Variants in PGM5 observed in about 807,000 individuals in gnomAD.
The protein encoded by PGM5 is phosphoglucomutase-like protein 5.
A neutral mutation model predicts 59.2 loss-of-function variants in PGM5; 23 were observed. The ratio of observed to expected loss-of-function variants is 0.39; its 90% CI spans 0.28 to 0.55. The LOEUF (loss-of-function observed/expected upper bound fraction) is 0.55. Ranked by LOEUF, PGM5 falls within the 20% of genes least tolerant of loss-of-function variation. The probability of loss-of-function intolerance (pLI) is 0.66; values close to 1 mark genes in which losing one functional copy is unlikely to be tolerated. For missense variants in PGM5, 574 were observed against 748.3 expected (o/e 0.77, Z 2.72); for synonymous variants, 214 against 286.0 (o/e 0.75, Z 2.54).
intron 1 of PGM5, among the ~76,000 whole-genome samples, chr9:68,372,159 C>A (rs1301052459): frequency 2.0e-5 from 3 of 152,124 alleles, no homozygotes; most frequent in East Asian, 3.9e-4. Flanking sequence ...TAACAAATTA[C>A]CACATATTTG....
intron 2 of PGM5, among the ~76,000 whole-genome samples, chr9:68,383,601 CA>C (rs377571885): frequency 2.7e-5 from 4 of 150,920 alleles, no homozygotes; most frequent in African/African-American, 9.7e-5. Flanking sequence ...GTATAGTTGA[CA>C]AGTAAGATTC....
chr9:68,406,648 G>A (rs1465090588), intron 6 of PGM5: 1 of 111,346 alleles, frequency 9.0e-6, no homozygotes, highest in African/African-American at 3.6e-5. Flanking sequence ...CTTGTACTGA[G>A]GATTAAATTA....
chr9:68,487,067 C>A (rs559017103), intron 9 of PGM5, among the ~76,000 whole-genome samples: 39 of 152,270 alleles, frequency 2.6e-4, no homozygotes, highest in African/African-American at 9.4e-4. Flanking sequence ...TCTCTGTTAG[C>A]AAAGCTCAGA....
intron 10 of PGM5, among the ~76,000 whole-genome samples, chr9:68,509,764 G>A (rs1307354431): frequency 6.6e-6 from 1 of 152,130 alleles, no homozygotes; most frequent in Non-Finnish European, 1.5e-5. Flanking sequence ...TGGGGCACAG[G>A]GACTGTCCCT....
At chr9:68,507,066 A>C (rs1178592744) in intron 10 of PGM5, among the ~76,000 whole-genome samples, 1 of 152,234 alleles carries the variant, frequency 6.6e-6, no homozygotes, top group East Asian at 1.9e-4. Flanking sequence ...GGATATATTA[A>C]TAGCCATATA....
intron 8 of PGM5, among the ~76,000 whole-genome samples, chr9:68,481,987 C>T (rs553351528): frequency 1.3e-5 from 2 of 152,330 alleles, no homozygotes; most frequent in African/African-American, 4.8e-5. Context: ...GCCTGAATAT[C>T]TGAGAAAATC....
Position 68,499,273 on chromosome 9 carries a change from TCA to T in PGM5, c.1527_1528del (p.Ser510PhefsTer24). The T allele has an allele frequency of 6.2e-7, 1 of 1,614,172 alleles. No individual in the cohort carries two copies. Among genetic ancestry groups the T allele is most frequent in the Admixed American group, 1.7e-5 (1 of 60,030 alleles). ...GATGCATCACGGCTCATCTTCCGGC[TCA>T]GTTCCTCCAGTGGTGTGCGGGCCAC... On this transcript the variant is annotated frameshift_variant, in exon 10 of 11. Transcript: ENST00000396396. LOFTEE classifies it high-confidence loss of function.
At chr9:68,474,652 A>T (rs528941329) in intron 7 of PGM5, among the ~76,000 whole-genome samples, 8 of 151,382 alleles carry the variant, frequency 5.3e-5, no homozygotes, top group Admixed American at 5.3e-4. Flanking sequence ...TGGTATGTGG[A>T]TGGAGATGGC....
chr9:68,528,961 C>T (rs1825033936), intron 10 of PGM5, among the ~76,000 whole-genome samples: 1 of 152,136 alleles, frequency 6.6e-6, no homozygotes, highest in Non-Finnish European at 1.5e-5. Flanking sequence ...TTCCCAAGAA[C>T]CTATTCCTTA....
In PGM5 at chr9:68,370,581, A is replaced by C. The variant is rs566592688; in HGVS notation, c.262-7618A>C. On this transcript the variant is annotated intron_variant, in intron 1 of 10. Transcript: ENST00000396396. ...CTGTCAGAAATAAGATCATTAAAAA[A>C]CCATAGTTGTATATGGCACAAAATG... is the stretch of plus-strand genomic sequence containing the variant. Among the ~76,000 whole-genome samples, 542 of 152,326 alleles carry C rather than the reference A, an allele frequency of 3.6e-3. 3 individuals carry two copies. Among genetic ancestry groups the C allele is most frequent in the African/African-American group, 0.012 (506 of 41,578 alleles).
At chr9:68,369,843 A>G (rs1293047171) in intron 1 of PGM5, among the ~76,000 whole-genome samples, 1 of 152,182 alleles carries the variant, frequency 6.6e-6, no homozygotes, top group East Asian at 1.9e-4. Flanking sequence ...CATGTAACAA[A>G]TCATATAACT....
chr9:68,375,865 G>A (rs1413525457), intron 1 of PGM5, among the ~76,000 whole-genome samples: 1 of 152,218 alleles, frequency 6.6e-6, no homozygotes, highest in Middle Eastern at 3.2e-3. Context: ...AGACAGTAGA[G>A]GGCAGGTATG....
chr9:68,474,158 G>A (rs1491001936), intron 7 of PGM5, among the ~76,000 whole-genome samples: 1 of 152,196 alleles, frequency 6.6e-6, no homozygotes, highest in Non-Finnish European at 1.5e-5. Context: ...GGCTCAGGGT[G>A]AGACCTGAGC....
chr9:68,459,679 T>C (rs1344693642), intron 6 of PGM5, among the ~76,000 whole-genome samples: 1 of 152,200 alleles, frequency 6.6e-6, no homozygotes, highest in Non-Finnish European at 1.5e-5. Context: ...GTACCACTCT[T>C]TCCAGCTAGT....
At chr9:68,429,781 A>G (rs781802921) in intron 6 of PGM5, among the ~76,000 whole-genome samples, 3 of 152,192 alleles carry the variant, frequency 2.0e-5, no homozygotes, top group Non-Finnish European at 2.9e-5. Flanking sequence ...TTTAACAGCT[A>G]TCACTATATG....
At position 68,370,375 on chromosome 9, in the gene PGM5, G is replaced by A. The variant is rs1304635513; in HGVS notation, c.262-7824G>A. On this transcript the variant is annotated intron_variant, in intron 1 of 10. Coordinates refer to ENST00000396396, the MANE Select transcript of PGM5 (RefSeq NM_021965.4). ...CATGAAAGAAATCCTGCTTTCATGC[G>A]TGTTATGTCACAGGAAAAACTCATT... is the stretch of plus-strand genomic sequence containing the variant. Among the ~76,000 whole-genome samples, 10 of 151,590 alleles carry A rather than the reference G, an allele frequency of 6.6e-5. 1 individual carries two copies. The highest frequency in any genetic ancestry group is 1.9e-4 in the East Asian group (1 of 5,162).
In PGM5 at chr9:68,356,855, G is replaced by C. The variant is rs1246132587; in HGVS notation, c.-273G>C. On this transcript the variant is annotated 5_prime_UTR_variant, in exon 1 of 11. Transcript: ENST00000396396. Reference sequence around the variant, plus strand: ...CTTGGGGAGAAACTGAGGGCAGCTCGGGCGGTCTGGCAGCGGAGAAGGTGG... The same window carrying C: ...CTTGGGGAGAAACTGAGGGCAGCTCCGGCGGTCTGGCAGCGGAGAAGGTGG... 26 of 380,712 alleles carry C rather than the reference G, an allele frequency of 6.8e-5. No homozygotes were observed. Among genetic ancestry groups the C allele is most frequent in the Admixed American group, 3.4e-4 (7 of 20,832 alleles). 23.6% of individuals were successfully genotyped at this position (380,712 alleles called of 1,614,324 possible). A position where few individuals can be genotyped will look rare whatever the true frequency, so the allele number is the denominator to read the frequency against.
rs1554681386 is a variant in PGM5 at position 68,408,868 on chromosome 9, CAAAGA to C, written c.1043+16396_1043+16400del. Among the ~76,000 whole-genome samples the C allele has an allele frequency of 2.8e-3, 431 of 152,054 alleles. 3 individuals are homozygous for C. The highest frequency in any genetic ancestry group is 9.9e-3 in the African/African-American group (409 of 41,458). On this transcript the variant is annotated intron_variant, in intron 6 of 10. Coordinates refer to ENST00000396396, the MANE Select transcript of PGM5 (RefSeq NM_021965.4). ...ATCGCTTTTTTTTTCTCAGGTTTGT[CAAAGA>C]TCAGATAGTTGTAGACATGCGGCAT...
chr9:68,473,554 G>A (rs782817534), intron 7 of PGM5, among the ~76,000 whole-genome samples: 1 of 152,144 alleles, frequency 6.6e-6, no homozygotes, highest in Non-Finnish European at 1.5e-5. Flanking sequence ...TCAAATTGTG[G>A]AAATTAAATA....
Sources: gnomAD v4.1 joint callset for allele counts (sites outside exome capture counted in the v4.1 genomes callset) on GRCh38, gnomAD v4.1.1 for gene constraint, MANE v1.5 for transcripts, NCBI Gene and HGNC (gene_info 2026-07-23, HGNC 2026-07-21) for gene names.